The following USP13 variants were observed in gnomAD, a reference collection of about 807,000 sequenced individuals.
The protein encoded by USP13 is ubiquitin carboxyl-terminal hydrolase 13.
USP13 carries 68 observed loss-of-function variants against 107.8 expected under a neutral mutation model. The observed-to-expected ratio is 0.63, with a 90% CI of 0.52 to 0.77. USP13 has a LOEUF of 0.77. USP13 is among the 30% of genes least tolerant of loss of function. The probability of loss-of-function intolerance (pLI) is 0.00; values close to 1 mark genes in which losing one functional copy is unlikely to be tolerated. For synonymous variants in USP13, 377 were observed against 389.5 expected, an observed-to-expected ratio of 0.97 and a Z score of 0.38; for missense variants, 945 against 1,093.3, an observed-to-expected ratio of 0.86 and a Z score of 1.91.
chr3:179,758,744 C>A (rs1389694242), intron 16 of USP13, among the ~76,000 whole-genome samples: 1 of 152,062 alleles, frequency 6.6e-6, no homozygotes, highest in Non-Finnish European at 1.5e-5. Context: ...GTGATCCACC[C>A]GCCTCGGCCT....
chr3:179,653,426 GC>G lies in USP13; in HGVS notation c.168+35del, dbSNP rs2108422618. On this transcript the variant is annotated intron_variant, in intron 1 of 20. Transcript: ENST00000263966. The surrounding 1 kb of genome is among the most constrained non-coding windows in gnomAD (Gnocchi z 4.0). ...AGGCGCCTCGGGGGAGGGTCGCGGG[GC>G]CGGCGGCCTGCGGCACGTGAAGCCG... 1 of 1,538,434 alleles carries G rather than the reference GC, an allele frequency of 6.5e-7. No homozygotes were observed. The highest frequency in any genetic ancestry group is 8.8e-7 in the Non-Finnish European group (1 of 1,139,088).
At chr3:179,669,040 CAG>C (rs1346952025) in intron 1 of USP13, among the ~76,000 whole-genome samples, 4 of 152,148 alleles carry the variant, frequency 2.6e-5, no homozygotes, top group Non-Finnish European at 5.9e-5. Context: ...AAAAGTTGGG[CAG>C]AGACAGGAGG....
chr3:179,752,262 A>C, intron 13 of USP13, 23 bp from the exon 14 acceptor site: 1 of 1,600,826 alleles, frequency 6.2e-7, no homozygotes, highest in Non-Finnish European at 8.6e-7. Context: ...TGTTTCATTG[A>C]TATATCCCCT....
At chr3:179,751,070 G>A (rs1303030991) in intron 13 of USP13, among the ~76,000 whole-genome samples, 1 of 152,176 alleles carries the variant, frequency 6.6e-6, no homozygotes, top group African/African-American at 2.4e-5. Flanking sequence ...AAAGGTATCT[G>A]TGATACCTAT....
intron 1 of USP13, among the ~76,000 whole-genome samples, chr3:179,668,929 G>A (rs1004346127): frequency 6.6e-6 from 1 of 152,154 alleles, no homozygotes; most frequent in Non-Finnish European, 1.5e-5. Flanking sequence ...AGAATATACT[G>A]GAGATCTGTG....
At chr3:179,743,236 A>C (rs955387637) in intron 12 of USP13, among the ~76,000 whole-genome samples, 6 of 152,220 alleles carry the variant, frequency 3.9e-5, no homozygotes, top group African/African-American at 1.4e-4. Flanking sequence ...GGAACATCAC[A>C]CACTGAGGCC....
Position 179,752,370 on chromosome 3 carries a change from T to C in USP13, c.1795T>C (p.Phe599Leu). 1 of 1,613,002 alleles carries C rather than the reference T, an allele frequency of 6.2e-7. No individual in the cohort carries two copies. The highest frequency in any genetic ancestry group is 8.5e-7 in the Non-Finnish European group (1 of 1,178,994). ...TGGTCTTGACTGGGTTCCCAAAAAA[T>C]TTGGTAGGTATCTTTTGCGTGCTTT... ...TFGLDWVPKK[F>L]DVSIDMPDLL... Residue 599 changes from phenylalanine (F) to leucine (L), a missense_variant, in exon 14 of 21, where the codon TTT (phenylalanine) becomes CTT (leucine). Transcript: ENST00000263966.
intron 3 of USP13, among the ~76,000 whole-genome samples, chr3:179,699,650 T>G (rs1277471093): frequency 1.4e-5 from 2 of 144,584 alleles, no homozygotes; most frequent in African/African-American, 5.2e-5. Context: ...TAGTAAGCTA[T>G]GATCACACCA....
rs1263134605 is a variant in USP13 at position 179,788,764 on chromosome 3, G to A, written c.*4623G>A. On this transcript the variant is annotated 3_prime_UTR_variant, in exon 21 of 21. Coordinates refer to ENST00000263966, the MANE Select transcript of USP13 (RefSeq NM_003940.3). ...CAGCCCCACTCTAGACTTACATGGTGTGGGGTAGGCAGTGAAATCCGTAAA... is the reference window on the plus strand; with the variant it reads ...CAGCCCCACTCTAGACTTACATGGTATGGGGTAGGCAGTGAAATCCGTAAA... The A allele has an allele frequency of 6.6e-6, 1 of 152,154 alleles. No homozygotes were observed. Among genetic ancestry groups the A allele is most frequent in the Non-Finnish European group, 1.5e-5 (1 of 68,042 alleles). The allele number at this position is 152,154 out of a possible 1,614,324, so 9.4% of individuals were successfully genotyped here.
chr3:179,755,498 C>T lies in USP13; in HGVS notation c.1921+644C>T, dbSNP rs779446770. On this transcript the variant is annotated intron_variant, in intron 15 of 20. Transcript: ENST00000263966. Reference sequence around the variant, plus strand: ...TAGTATTAGTAGAGATGGGGTTTCACCTTGTGAGCGAGGATGGTCTCGATC... The same window carrying T: ...TAGTATTAGTAGAGATGGGGTTTCATCTTGTGAGCGAGGATGGTCTCGATC... Among the ~76,000 whole-genome samples, 34 of 152,086 alleles carry T rather than the reference C, an allele frequency of 2.2e-4. 1 individual carries two copies. Among genetic ancestry groups the T allele is most frequent in the Non-Finnish European group, 4.3e-4 (29 of 68,010 alleles).
At chr3:179,659,492 A>G (rs1211299152) in intron 1 of USP13, among the ~76,000 whole-genome samples, 1 of 152,204 alleles carries the variant, frequency 6.6e-6, no homozygotes, top group Non-Finnish European at 1.5e-5. Context: ...AGCTCTTTGC[A>G]TGATTCTGAG....
At chr3:179,655,052 G>T (rs571311949) in intron 1 of USP13, among the ~76,000 whole-genome samples, 29 of 152,124 alleles carry the variant, frequency 1.9e-4, no homozygotes, top group African/African-American at 6.0e-4. Context: ...CCAGTGTTGG[G>T]CAGTTCCCAC....
Position 179,718,253 on chromosome 3 carries a change from T to C in USP13, c.806-1687T>C, listed in dbSNP as rs577024827. The stretch of plus-strand genomic sequence containing the variant: ...TCTGTTGGTATCCTGTTCTGATACA[T>C]ACATTTTTTTCTTTTTTTTCCTTCT... On this transcript the variant is annotated intron_variant, in intron 6 of 20. Coordinates refer to ENST00000263966, the MANE Select transcript of USP13 (RefSeq NM_003940.3). Among the ~76,000 whole-genome samples, 14 of 151,608 alleles carry C rather than the reference T, an allele frequency of 9.2e-5. 1 individual carries two copies. In the East Asian group the frequency reaches 2.5e-3, roughly 27 times the overall value.
chr3:179,749,695 G>A (rs1475822288), intron 13 of USP13, among the ~76,000 whole-genome samples: 1 of 152,074 alleles, frequency 6.6e-6, no homozygotes. Context: ...TCTACTTTCT[G>A]GTACTTTTAG....
rs1560035507 is a variant in USP13 at position 179,653,401 on chromosome 3, AG to A, written c.168+10del. ...TTCTCCTACGACTCTCCCGTAAGTGAGGCGCCTCGGGGGAGGGTCGCGGGGC... is the reference window on the plus strand; with the variant it reads ...TTCTCCTACGACTCTCCCGTAAGTGAGCGCCTCGGGGGAGGGTCGCGGGGC... On this transcript the variant is annotated intron_variant, in intron 1 of 20. Transcript: ENST00000263966. The surrounding 1 kb of genome is among the most constrained non-coding windows in gnomAD (Gnocchi z 4.0). 6.4e-7 allele frequency: 1 copy of A among 1,552,248 alleles called. No homozygotes were observed. The highest frequency in any genetic ancestry group is 1.4e-5 in the African/African-American group (1 of 73,258).
intron 19 of USP13, among the ~76,000 whole-genome samples, chr3:179,767,387 C>T (rs1487614817): frequency 6.6e-6 from 1 of 151,898 alleles, no homozygotes; most frequent in Non-Finnish European, 1.5e-5. Context: ...CCTCCAGAGC[C>T]TGTGCCTGTA....
rs1303096323 is a variant in USP13, at chr3:179,764,144, G to A, written c.2235G>A (p.Gln745=). The part of the protein sequence containing the change: ...IITSMGFQRN[Q]AIQALRATNN... ...CCTCCATGGGATTTCAGCGAAATCAGGCTATTCAGGCACTACGAGCAACGG... is the reference window on the plus strand; with the variant it reads ...CCTCCATGGGATTTCAGCGAAATCAAGCTATTCAGGCACTACGAGCAACGG... Residue 745 remains glutamine (Q), a synonymous_variant, in exon 18 of 21, where the codon CAG becomes CAA. Transcript: ENST00000263966. The A allele has an allele frequency of 6.2e-7, 1 of 1,613,422 alleles. No homozygotes were observed. Among genetic ancestry groups the A allele is most frequent in the Non-Finnish European group, 8.5e-7 (1 of 1,179,912 alleles).
intron 19 of USP13, among the ~76,000 whole-genome samples, chr3:179,766,597 C>T (rs1259879121): frequency 2.0e-5 from 3 of 152,162 alleles, no homozygotes; most frequent in African/African-American, 4.8e-5. Context: ...CGCCATAGGC[C>T]GTTGTTCTGC....
chr3:179,665,819 C>T (rs1455488146), intron 1 of USP13, among the ~76,000 whole-genome samples: 1 of 152,194 alleles, frequency 6.6e-6, no homozygotes, highest in Non-Finnish European at 1.5e-5. Context: ...CTCCTGACCT[C>T]AAGTGATCTG....
Sources: allele counts gnomAD v4.1 joint callset (sites outside exome capture counted in the v4.1 genomes callset), GRCh38; gene constraint gnomAD v4.1.1; non-coding constraint Gnocchi (gnomAD v3.1); transcripts MANE v1.5; gene names NCBI Gene and HGNC (gene_info 2026-07-23, HGNC 2026-07-21).